The following PGGT1B variants were observed in gnomAD, a reference collection of about 807,000 sequenced individuals.
The protein encoded by PGGT1B is geranylgeranyl transferase type-1 subunit beta.
PGGT1B carries 30 observed loss-of-function variants against 46.1 expected under a neutral mutation model. The ratio of observed to expected loss-of-function variants is 0.65; its 90% CI spans 0.49 to 0.88. The LOEUF is 0.88. Ranked by LOEUF, PGGT1B falls within the 40% of genes least tolerant of loss-of-function variation. PGGT1B has a pLI of 0.00. For missense variants in PGGT1B, 376 were observed against 455.9 expected (o/e 0.82, Z 1.60); for synonymous variants, 170 against 160.0 (o/e 1.06, Z -0.47).
rs1213289872 is a variant in PGGT1B at position 115,212,353 on chromosome 5, G to C, written c.*49C>G. On this transcript the variant is annotated 3_prime_UTR_variant, in exon 9 of 9. Transcript: ENST00000419445. ...TTGGTTATACATGGCTTTTAAACTT[G>C]AGCTACAGTTATGCTACAAATCCCC... The C allele has an allele frequency of 3.7e-6, 6 of 1,607,142 alleles. No individual in the cohort carries two copies. The highest frequency in any genetic ancestry group is 5.1e-6 in the Non-Finnish European group (6 of 1,176,716).
intron 8 of PGGT1B, among the ~76,000 whole-genome samples, chr5:115,212,804 T>G (rs1035556651): frequency 2.6e-5 from 4 of 152,070 alleles, no homozygotes; most frequent in Admixed American, 2.0e-4. Flanking sequence ...AAAATATCAT[T>G]AACAAAGGAA....
At chr5:115,234,279 T>A (rs1757102765) in intron 5 of PGGT1B, among the ~76,000 whole-genome samples, 1 of 150,684 alleles carries the variant, frequency 6.6e-6, no homozygotes, top group South Asian at 2.1e-4. Context: ...AATATCCATA[T>A]CTTCTCATCA....
chr5:115,238,291 ATTTTTTTTTTTTTTTT>A (rs35711954), intron 3 of PGGT1B, among the ~76,000 whole-genome samples: 1 of 46,964 alleles, frequency 2.1e-5, no homozygotes, highest in South Asian at 1.3e-3. Flanking sequence ...ATTTTTTTGG[ATTTTTTTTTTTTTTTT>A]TTTTTTTTTT....
At chr5:115,221,353 G>C (rs1214180508) in intron 7 of PGGT1B, among the ~76,000 whole-genome samples, 1 of 151,922 alleles carries the variant, frequency 6.6e-6, no homozygotes, top group African/African-American at 2.4e-5. Flanking sequence ...CATGTCAATT[G>C]ATGAGTTTCA....
At chr5:115,261,299 C>G (rs897285841) in intron 1 of PGGT1B, among the ~76,000 whole-genome samples, 3 of 152,188 alleles carry the variant, frequency 2.0e-5, no homozygotes, top group African/African-American at 7.2e-5. Flanking sequence ...ATAAACGTTT[C>G]ACTCTTTCTT....
intron 3 of PGGT1B, among the ~76,000 whole-genome samples, chr5:115,238,691 C>T (rs1757262857): frequency 1.3e-5 from 2 of 152,064 alleles, no homozygotes; most frequent in African/African-American, 4.8e-5. Flanking sequence ...TAAATGTAAA[C>T]TTTTACAATC....
Position 115,225,011 on chromosome 5 carries a change from G to GTACACA in PGGT1B, c.659-3009_659-3004dup, listed in dbSNP as rs1756723462. 4.6e-5 allele frequency among the ~76,000 whole-genome samples: 7 copies of GTACACA among 152,090 alleles called. No individual in the cohort carries two copies. In the South Asian group the frequency reaches 1.2e-3, roughly 27 times the overall value. ...CTGAATGGGGTTAGATCAATGATGT[G>GTACACA]TACACACTTCAAAATATTTCAAGAA... On this transcript the variant is annotated intron_variant, in intron 6 of 8. Coordinates refer to ENST00000419445, the MANE Select transcript of PGGT1B (RefSeq NM_005023.4).
rs1757178300 is a variant in PGGT1B at position 115,236,251 on chromosome 5, G to A, written c.612+139C>T. The A allele has an allele frequency of 4.9e-6, 3 of 618,538 alleles. No homozygotes were observed. The South Asian group carries it at 7.3e-5, about 15-fold the overall frequency. The allele number at this position is 618,538 out of a possible 1,614,324, so 38.3% of individuals were successfully genotyped here. A position where few individuals can be genotyped will look rare whatever the true frequency, so the allele number is the denominator to read the frequency against. ...TAAGATTATTTCTTTATTGTGTTCT[G>A]ATACACAATTTACCAAAAAGCAATC... On this transcript the variant is annotated intron_variant, in intron 5 of 8. Transcript: ENST00000419445.
Position 115,206,151 on chromosome 5 carries a change from A to G in PGGT1B, c.*6251T>C, listed in dbSNP as rs1397543184. The G allele has an allele frequency of 6.6e-6, 1 of 151,902 alleles. No individual in the cohort carries two copies. Among genetic ancestry groups the G allele is most frequent in the Non-Finnish European group, 1.5e-5 (1 of 67,870 alleles). 9.4% of individuals were successfully genotyped at this position (151,902 alleles called of 1,614,324 possible). A position where few individuals can be genotyped will look rare whatever the true frequency, so the allele number is the denominator to read the frequency against. On this transcript the variant is annotated 3_prime_UTR_variant, in exon 9 of 9. Transcript: ENST00000419445. ...TACATATATCTATTTGTATAAGTATATATTGTATTGGGATGAGTAATACTT... is the reference window on the plus strand; with the variant it reads ...TACATATATCTATTTGTATAAGTATGTATTGTATTGGGATGAGTAATACTT...
At chr5:115,228,389 A>T (rs916099724) in intron 6 of PGGT1B, among the ~76,000 whole-genome samples, 2 of 152,252 alleles carry the variant, frequency 1.3e-5, no homozygotes, top group African/African-American at 4.8e-5. Context: ...GACAATAAAC[A>T]AATAGATAAA....
chr5:115,212,743 C>T (rs552313972), intron 8 of PGGT1B, among the ~76,000 whole-genome samples, 160 bp from the exon 9 acceptor site: 46 of 151,762 alleles, frequency 3.0e-4, no homozygotes, highest in African/African-American at 1.1e-3. Context: ...AAGCCTCAAA[C>T]ACCAATTAAA....
At position 115,210,284 on chromosome 5, in the gene PGGT1B, C is replaced by T. The variant is rs190826537; in HGVS notation, c.*2118G>A. 1 of 151,972 alleles carries T rather than the reference C, an allele frequency of 6.6e-6. No individual in the cohort carries two copies. Among genetic ancestry groups the T allele is most frequent in the Non-Finnish European group, 1.5e-5 (1 of 67,938 alleles). 9.4% of individuals were successfully genotyped at this position (151,972 alleles called of 1,614,324 possible). A position where few individuals can be genotyped will look rare whatever the true frequency, so the allele number is the denominator to read the frequency against. On this transcript the variant is annotated 3_prime_UTR_variant, in exon 9 of 9. Coordinates refer to ENST00000419445, the MANE Select transcript of PGGT1B (RefSeq NM_005023.4). ...TGAGATTTCGGACTTCGTATTTTCC[C>T]TCATTACATCGCTCCTGTTAAGGAA...
At chr5:115,249,128 C>T (rs749278276) in intron 2 of PGGT1B, among the ~76,000 whole-genome samples, 5 of 151,718 alleles carry the variant, frequency 3.3e-5, no homozygotes, top group African/African-American at 4.8e-5. Context: ...GCCATCCCCC[C>T]ACCTCTGTTC....
chr5:115,233,326 G>T (rs1757055871), intron 5 of PGGT1B, among the ~76,000 whole-genome samples: 1 of 151,216 alleles, frequency 6.6e-6, no homozygotes, highest in Non-Finnish European at 1.5e-5. Context: ...AGAAATAGAA[G>T]AAAAAGACAA....
intron 4 of PGGT1B, 26 bp from the exon 5 acceptor site, chr5:115,236,548 T>A: frequency 5.3e-6 from 8 of 1,496,044 alleles, no homozygotes; most frequent in Non-Finnish European, 7.1e-6. Context: ...ACAATATGAT[T>A]TTCTATTAAC....
At chr5:115,235,692 T>G (rs1472962157) in intron 5 of PGGT1B, among the ~76,000 whole-genome samples, 1 of 152,116 alleles carries the variant, frequency 6.6e-6, no homozygotes, top group South Asian at 2.1e-4. Context: ...TCTTTCTGTA[T>G]CCAGAGGCTT....
chr5:115,216,430 G>A (rs1174404070), intron 8 of PGGT1B, among the ~76,000 whole-genome samples: 1 of 152,148 alleles, frequency 6.6e-6, no homozygotes, highest in East Asian at 1.9e-4. Flanking sequence ...ATGAGCCACT[G>A]TGCCCGGCCT....
chr5:115,233,284 A>C (rs1330995970), intron 5 of PGGT1B, among the ~76,000 whole-genome samples: 1 of 152,008 alleles, frequency 6.6e-6, no homozygotes, highest in Non-Finnish European at 1.5e-5. Context: ...ATGAACAAAC[A>C]ATAGAAATAA....
At chr5:115,233,553 A>C (rs1285024574) in intron 5 of PGGT1B, among the ~76,000 whole-genome samples, 1 of 151,514 alleles carries the variant, frequency 6.6e-6, no homozygotes, top group Non-Finnish European at 1.5e-5. Flanking sequence ...AGGAAAAAAA[A>C]AAAAAGCAAA....
Sources: allele counts gnomAD v4.1 joint callset (sites outside exome capture counted in the v4.1 genomes callset), GRCh38; gene constraint gnomAD v4.1.1; transcripts MANE v1.5; gene names NCBI Gene and HGNC (gene_info 2026-07-23, HGNC 2026-07-21).